PCDHGA3: variants seen among roughly 807,000 people sequenced by gnomAD.
The protein encoded by PCDHGA3 is protocadherin gamma-A3.
Under a neutral mutation model 58.5 loss-of-function variants are expected in PCDHGA3, and 40 were observed. That is an observed-to-expected ratio of 0.68 (90% CI 0.53 to 0.89). The LOEUF (loss-of-function observed/expected upper bound fraction) is 0.89. Ranked by LOEUF, PCDHGA3 falls within the 40% of genes least tolerant of loss-of-function variation. The pLI is 0.00. For synonymous variants in PCDHGA3, 530 were observed against 525.7 expected (o/e 1.01, Z -0.11); for missense variants, 1,223 against 1,195.9 (o/e 1.02, Z -0.33).
chr5:141,351,144 G>A (rs898831176), intron 1 of PCDHGA3: 3 of 1,614,014 alleles, frequency 1.9e-6, no homozygotes, highest in Non-Finnish European at 2.5e-6. Flanking sequence ...CCAAATACTG[G>A]CGACATCACA....
In PCDHGA3 at chr5:141,489,261, A is replaced by C; in HGVS notation, c.2425-5546A>C. 6.4e-7 allele frequency: 1 copy of C among 1,551,956 alleles called. No individual in the cohort carries two copies. Among genetic ancestry groups the C allele is most frequent in the East Asian group, 2.2e-5 (1 of 44,450 alleles). Reference sequence around the variant, plus strand: ...GGGTCATGGGGCCCAAGACACTCCCACAGCTCGCTGGGAAATGGCAAGTGC... The same window carrying C: ...GGGTCATGGGGCCCAAGACACTCCCCCAGCTCGCTGGGAAATGGCAAGTGC... On this transcript the variant is annotated intron_variant, in intron 1 of 3. Coordinates refer to ENST00000253812, the MANE Select transcript of PCDHGA3 (RefSeq NM_018916.4). The surrounding 1 kb of genome is among the most constrained non-coding windows in gnomAD (Gnocchi z 4.5).
intron 1 of PCDHGA3, among the ~76,000 whole-genome samples, chr5:141,358,752 C>T (rs1761009011): frequency 6.6e-6 from 1 of 152,170 alleles, no homozygotes. Context: ...TTTCTCTTGT[C>T]ATCATGTGAG....
At chr5:141,384,536 T>C (rs751421323) in intron 1 of PCDHGA3, 1 of 1,614,204 alleles carries the variant, frequency 6.2e-7, no homozygotes, top group Non-Finnish European at 8.5e-7. Flanking sequence ...AGCAGCAACA[T>C]GTCACTGAGC....
intron 1 of PCDHGA3, chr5:141,423,216 G>A (rs376530221): frequency 1.2e-6 from 2 of 1,613,632 alleles, no homozygotes; most frequent in African/African-American, 2.7e-5. Flanking sequence ...CGCTCACCGT[G>A]GCTGTGGCCG....
intron 1 of PCDHGA3, chr5:141,399,076 G>A (rs767415619): frequency 1.2e-6 from 2 of 1,613,850 alleles, no homozygotes; most frequent in Non-Finnish European, 1.7e-6. Flanking sequence ...GGTTGTAGAA[G>A]GGAGGGATGG....
In PCDHGA3 at chr5:141,490,499, A is replaced by G. The variant is rs1269710790; in HGVS notation, c.2425-4308A>G. On this transcript the variant is annotated intron_variant, in intron 1 of 3. Coordinates refer to ENST00000253812, the MANE Select transcript of PCDHGA3 (RefSeq NM_018916.4). The surrounding 1 kb of genome is among the most constrained non-coding windows in gnomAD (Gnocchi z 5.4). ...TTGGACCGGGAGGCCACATCCCACT[A>G]TATCATCGAGCTGCTGGCCAGCGAT... 1.2e-6 allele frequency: 2 copies of G among 1,614,148 alleles called. No homozygotes were observed. Among genetic ancestry groups the G allele is most frequent in the Non-Finnish European group, 8.5e-7 (1 of 1,180,020 alleles).
intron 1 of PCDHGA3, chr5:141,379,735 C>G (rs1775784648): frequency 2.0e-5 from 3 of 152,002 alleles, no homozygotes; most frequent in Admixed American, 6.6e-5. Flanking sequence ...TAAGTTATGG[C>G]TAAATGAGGT....
intron 1 of PCDHGA3, chr5:141,374,308 C>T: frequency 6.2e-7 from 1 of 1,613,970 alleles, no homozygotes; most frequent in Non-Finnish European, 8.5e-7. Flanking sequence ...TGCAGCTTTT[C>T]TCTCTGAATC....
rs73280911 is a variant in PCDHGA3, at chr5:141,446,356, A to C, written c.2425-48451A>C. Among the ~76,000 whole-genome samples the C allele has an allele frequency of 2.0e-5, 3 of 152,188 alleles. No individual in the cohort carries two copies. In the South Asian group the frequency reaches 6.2e-4, roughly 31 times the overall value. On this transcript the variant is annotated intron_variant, in intron 1 of 3. Transcript: ENST00000253812. ...ACTGGATGGACAAAGCTACCATTTGATGAGAATGGAAGACTAAAGAATGAT... is the reference window on the plus strand; with the variant it reads ...ACTGGATGGACAAAGCTACCATTTGCTGAGAATGGAAGACTAAAGAATGAT...
At chr5:141,398,041 G>A in intron 1 of PCDHGA3, 3 of 1,492,894 alleles carry the variant, frequency 2.0e-6, no homozygotes, top group Non-Finnish European at 2.7e-6. Context: ...ACTAAAGCCC[G>A]TTCGGAGATC....
At chr5:141,353,805 C>T (rs1034354632) in intron 1 of PCDHGA3, among the ~76,000 whole-genome samples, 3 of 152,170 alleles carry the variant, frequency 2.0e-5, no homozygotes, top group Non-Finnish European at 2.9e-5. Context: ...TCTTATTTCA[C>T]CTCTCAATCA....
rs1554072965 is a variant in PCDHGA3, at chr5:141,345,376, A to T, written c.1343A>T (p.Asn448Ile). 1 of 1,613,246 alleles carries T rather than the reference A, an allele frequency of 6.2e-7. No homozygotes were observed. The highest frequency in any genetic ancestry group is 8.5e-7 in the Non-Finnish European group (1 of 1,179,396). ...CTGCATGTGATTGACATCAATGACA[A>T]CCCACCCACCTTCCCTCATTTATCC... ...ITLHVIDIND[N>I]PPTFPHLSYS... Residue 448 changes from asparagine to isoleucine, a missense_variant, in exon 1 of 4, where the codon AAC becomes ATC. By Grantham distance (149) the Asn-to-Ile change is moderately radical (BLOSUM62 -3). Around this residue, in one of 3 missense-constraint regions of PCDHGA3, gnomAD observed 791 missense variants for 708.5 expected, o/e 1.12. Coordinates refer to ENST00000253812, the MANE Select transcript of PCDHGA3 (RefSeq NM_018916.4).
intron 1 of PCDHGA3, among the ~76,000 whole-genome samples, chr5:141,381,235 C>T (rs760639728): frequency 6.6e-6 from 1 of 152,270 alleles, no homozygotes; most frequent in Non-Finnish European, 1.5e-5. Context: ...ACCAACTACT[C>T]TCCAGGACCT....
intron 1 of PCDHGA3, chr5:141,385,673 C>T (rs1253807650): frequency 2.6e-6 from 1 of 384,964 alleles, no homozygotes; most frequent in Non-Finnish European, 3.8e-6. Context: ...TAAAACACAC[C>T]TCAGCTGTCT....
At position 141,371,326 on chromosome 5, in the gene PCDHGA3, A is replaced by C. The variant is rs761989628; in HGVS notation, c.2424+24869A>C. ...ACTATTGGAGAACTGGACTTTGAAG[A>C]GAGAGATAGCTACACAATTGGGGTG... On this transcript the variant is annotated intron_variant, in intron 1 of 3. Coordinates refer to ENST00000253812, the MANE Select transcript of PCDHGA3 (RefSeq NM_018916.4). 55 of 1,613,874 alleles carry C rather than the reference A, an allele frequency of 3.4e-5. No homozygotes were observed. The highest frequency in any genetic ancestry group is 4.5e-5 in the Non-Finnish European group (53 of 1,179,892).
At chr5:141,352,708 G>T (rs193159920) in intron 1 of PCDHGA3, 2 of 1,543,542 alleles carry the variant, frequency 1.3e-6, no homozygotes, top group African/African-American at 2.7e-5. Context: ...TATATATGGC[G>T]GCCGGGCGCG....
chr5:141,468,222 G>A lies in PCDHGA3; in HGVS notation c.2425-26585G>A, dbSNP rs560663102. 2.6e-3 allele frequency among the ~76,000 whole-genome samples: 401 copies of A among 151,572 alleles called. 2 individuals are homozygous for A. Among genetic ancestry groups the A allele is most frequent in the South Asian group, 0.02 (97 of 4,782 alleles). ...TGCCTGTAATTCCAGCTACTTGGGA[G>A]GATGAGGTAGGAGAATTGCCTGAAC... On this transcript the variant is annotated intron_variant, in intron 1 of 3. Coordinates refer to ENST00000253812, the MANE Select transcript of PCDHGA3 (RefSeq NM_018916.4).
At chr5:141,441,703 A>C (rs1329703451) in intron 1 of PCDHGA3, 2 of 312,092 alleles carry the variant, frequency 6.4e-6, no homozygotes, top group Non-Finnish European at 1.3e-5. Context: ...CGAGCCTTCA[A>C]GCTCACGCTG....
chr5:141,420,918 C>T (rs2096532512), intron 1 of PCDHGA3: 1 of 331,946 alleles, frequency 3.0e-6, no homozygotes, highest in South Asian at 6.4e-5. Flanking sequence ...GTGTGATTCA[C>T]AAAGGTGAGC....
Sources: allele counts gnomAD v4.1 joint callset (sites outside exome capture counted in the v4.1 genomes callset), GRCh38; gene constraint gnomAD v4.1.1; regional missense constraint gnomAD v4.1.1; non-coding constraint Gnocchi (gnomAD v3.1); transcripts MANE v1.5; gene names NCBI Gene and HGNC (gene_info 2026-07-23, HGNC 2026-07-21).